ASXL2: variants seen among roughly 807,000 people sequenced by gnomAD.
The protein encoded by ASXL2 is ASXL transcriptional regulator 2.
ASXL2 carries 23 observed loss-of-function variants against 122.0 expected under a neutral mutation model. The observed-to-expected ratio is 0.19, with a 90% CI of 0.14 to 0.27. The LOEUF (loss-of-function observed/expected upper bound fraction) is 0.27, where lower values mean the gene tolerates loss of function less well. Among genes scored for constraint, ASXL2 ranks in the 10% least tolerant of loss-of-function variants. The probability of loss-of-function intolerance (pLI) is 1.00; values close to 1 mark genes in which losing one functional copy is unlikely to be tolerated. For synonymous variants in ASXL2, 650 were observed against 637.0 expected, an observed-to-expected ratio of 1.02 and a Z score of -0.31; for missense variants, 1,518 against 1,713.8, an observed-to-expected ratio of 0.89 and a Z score of 2.02.
At chr2:25,787,516 T>C (rs951084584) in intron 5 of ASXL2, among the ~76,000 whole-genome samples, 2 of 152,222 alleles carry the variant, frequency 1.3e-5, no homozygotes, top group Admixed American at 1.3e-4. Flanking sequence ...TTAAAATCCA[T>C]GAGAGGCTAA....
intron 3 of ASXL2, among the ~76,000 whole-genome samples, chr2:25,817,523 A>AT (rs1189566240): frequency 6.6e-6 from 1 of 152,102 alleles, no homozygotes; most frequent in Admixed American, 6.5e-5. Flanking sequence ...TTCAGTGTAC[A>AT]TTTTTTTCAC....
At chr2:25,810,757 C>T (rs984865684) in intron 3 of ASXL2, 3 of 563,298 alleles carry the variant, frequency 5.3e-6, no homozygotes, top group African/African-American at 1.9e-5. Flanking sequence ...TGAGCCAGTA[C>T]TACCTTTGGA....
chr2:25,877,503 G>T (rs1269326576), intron 1 of ASXL2, among the ~76,000 whole-genome samples: 3 of 151,886 alleles, frequency 2.0e-5, no homozygotes, highest in Admixed American at 6.6e-5. Context: ...TAAACTACAC[G>T]TCCCACCATG....
At chr2:25,827,959 CATT>C (rs1416781182) in intron 3 of ASXL2, among the ~76,000 whole-genome samples, 2 of 151,880 alleles carry the variant, frequency 1.3e-5, no homozygotes, top group Admixed American at 1.3e-4. Context: ...TCTATCATCC[CATT>C]ATTGTCTTCC....
intron 1 of ASXL2, among the ~76,000 whole-genome samples, chr2:25,849,079 A>ATATATAT (rs1265031772): frequency 6.6e-5 from 9 of 136,714 alleles, no homozygotes; most frequent in East Asian, 2.5e-4. Flanking sequence ...ATATATATGG[A>ATATATAT]ATATTTATTT....
Position 25,818,402 on chromosome 2 carries a change from T to C in ASXL2, c.144-12065A>G, listed in dbSNP as rs2089264119. ...GGCGGGCACCTGTAATCCCAGCTAC[T>C]CGGGAGGCTGAGGCAGGAGAACTGC... On this transcript the variant is annotated intron_variant, in intron 3 of 12. Coordinates refer to ENST00000435504, the MANE Select transcript of ASXL2 (RefSeq NM_018263.6). 1.3e-5 allele frequency among the ~76,000 whole-genome samples: 2 copies of C among 152,092 alleles called. 1 individual carries two copies. The highest frequency in any genetic ancestry group is 2.9e-5 in the Non-Finnish European group (2 of 68,020).
At chr2:25,781,423 A>G (rs901880225) in intron 5 of ASXL2, among the ~76,000 whole-genome samples, 1 of 152,172 alleles carries the variant, frequency 6.6e-6, no homozygotes, top group Non-Finnish European at 1.5e-5. Flanking sequence ...GAAAAAAAAC[A>G]GTGATGCTCA....
At chr2:25,753,492 T>C (rs1375610672) in intron 11 of ASXL2, 42 bp downstream of exon 11, 3 of 1,464,100 alleles carry the variant, frequency 2.0e-6, no homozygotes, top group South Asian at 1.2e-5. Flanking sequence ...GACTTATATG[T>C]AGGAATTAAC....
chr2:25,856,119 C>A (rs983598709), intron 1 of ASXL2, among the ~76,000 whole-genome samples: 5 of 151,330 alleles, frequency 3.3e-5, no homozygotes, highest in Non-Finnish European at 7.4e-5. Context: ...TGCAGCAGTG[C>A]AATCTCGGGT....
chr2:25,767,880 A>T (rs1412890987), intron 7 of ASXL2, among the ~76,000 whole-genome samples, 154 bp from the exon 8 acceptor site: 1 of 152,250 alleles, frequency 6.6e-6, no homozygotes, highest in African/African-American at 2.4e-5. Flanking sequence ...GTCAAAGAGT[A>T]AAATAAAACC....
At chr2:25,778,641 T>G (rs1006785937) in intron 5 of ASXL2, among the ~76,000 whole-genome samples, 1 of 152,202 alleles carries the variant, frequency 6.6e-6, no homozygotes, top group Admixed American at 6.5e-5. Flanking sequence ...TCAAACTACA[T>G]ATAATGTTTT....
At chr2:25,822,330 G>A (rs567106158) in intron 3 of ASXL2, 16 of 167,118 alleles carry the variant, frequency 9.6e-5, no homozygotes, top group Non-Finnish European at 1.7e-4. Context: ...CGCCGCTGCC[G>A]CCATCGCCTG....
intron 5 of ASXL2, among the ~76,000 whole-genome samples, chr2:25,775,465 C>G (rs535369207): frequency 1.3e-5 from 2 of 152,092 alleles, no homozygotes; most frequent in Non-Finnish European, 2.9e-5. Flanking sequence ...CACGTGTCAG[C>G]GGAGTGACCT....
At chr2:25,798,098 A>T (rs1408183704) in intron 5 of ASXL2, among the ~76,000 whole-genome samples, 2 of 152,212 alleles carry the variant, frequency 1.3e-5, no homozygotes, top group African/African-American at 4.8e-5. Context: ...GCATGTTCTC[A>T]CTTATAAGTG....
intron 3 of ASXL2, among the ~76,000 whole-genome samples, chr2:25,818,135 T>C (rs1251516243): frequency 3.3e-5 from 5 of 152,238 alleles, no homozygotes; most frequent in Non-Finnish European, 1.5e-5. Flanking sequence ...AAACCTATGA[T>C]AGAATGGCTC....
At chr2:25,757,690 A>T (rs1272598633) in intron 9 of ASXL2, among the ~76,000 whole-genome samples, 1 of 149,330 alleles carries the variant, frequency 6.7e-6, no homozygotes, top group East Asian at 1.9e-4. Context: ...AAAAAAAAAA[A>T]AAAAAAAAAA....
At chr2:25,827,922 C>T (rs1433507931) in intron 3 of ASXL2, among the ~76,000 whole-genome samples, 2 of 151,780 alleles carry the variant, frequency 1.3e-5, no homozygotes, top group South Asian at 4.2e-4. Flanking sequence ...TTTACCTTAC[C>T]GTTAACACCT....
chr2:25,844,092 C>A (rs1387986684), intron 2 of ASXL2, among the ~76,000 whole-genome samples: 1 of 152,074 alleles, frequency 6.6e-6, no homozygotes, highest in Non-Finnish European at 1.5e-5. Context: ...AAAACAGCCC[C>A]CCAAAATTCT....
intron 3 of ASXL2, among the ~76,000 whole-genome samples, chr2:25,822,178 G>A (rs201856458): frequency 4.2e-5 from 3 of 71,678 alleles, no homozygotes; most frequent in Non-Finnish European, 9.5e-5. Flanking sequence ...AAAGGTAAAA[G>A]TAACTCTTTA....
Sources: allele counts gnomAD v4.1 joint callset (sites outside exome capture counted in the v4.1 genomes callset), GRCh38; gene constraint gnomAD v4.1.1; transcripts MANE v1.5; gene names NCBI Gene and HGNC (gene_info 2026-07-23, HGNC 2026-07-21).